THSD7A: variants seen among roughly 807,000 people sequenced by gnomAD.
The protein encoded by THSD7A is thrombospondin type-1 domain-containing protein 7A.
Under a neutral mutation model 231.3 loss-of-function variants are expected in THSD7A, and 96 were observed. The ratio of observed to expected loss-of-function variants is 0.41; its 90% CI spans 0.35 to 0.49. The LOEUF (loss-of-function observed/expected upper bound fraction) is 0.49, where lower values mean the gene tolerates loss of function less well. Among genes scored for constraint, THSD7A ranks in the 20% least tolerant of loss-of-function variants. The probability of loss-of-function intolerance (pLI) is 0.05; values close to 1 mark genes in which losing one functional copy is unlikely to be tolerated. For synonymous variants in THSD7A, 940 were observed against 743.3 expected, an observed-to-expected ratio of 1.26 and a Z score of -4.30; for missense variants, 2,290 against 2,070.2, an observed-to-expected ratio of 1.11 and a Z score of -2.06.
At chr7:11,735,474 T>C (rs1205791606) in intron 1 of THSD7A, among the ~76,000 whole-genome samples, 1 of 151,958 alleles carries the variant, frequency 6.6e-6, no homozygotes, top group Non-Finnish European at 1.5e-5. Flanking sequence ...AAAATTACCT[T>C]CAGGCTATGT....
chr7:11,694,454 G>A (rs2128142813), intron 1 of THSD7A, among the ~76,000 whole-genome samples: 1 of 151,648 alleles, frequency 6.6e-6, no homozygotes, highest in Non-Finnish European at 1.5e-5. Flanking sequence ...CCATTGTAGA[G>A]TTTCCAACTT....
chr7:11,563,640 G>T (rs922944952), intron 4 of THSD7A, among the ~76,000 whole-genome samples: 4 of 152,168 alleles, frequency 2.6e-5, no homozygotes, highest in African/African-American at 9.7e-5. Flanking sequence ...GGGACAAGAG[G>T]CATGAGCCAC....
chr7:11,643,404 AATTCCTTAT>A (rs1017758307), intron 1 of THSD7A, among the ~76,000 whole-genome samples: 77 of 152,210 alleles, frequency 5.1e-4, no homozygotes, highest in African/African-American at 1.8e-3. Flanking sequence ...AGGAAAGAAA[AATTCCTTAT>A]AAATTCCATA....
chr7:11,766,541 G>T lies in THSD7A; in HGVS notation c.190+65216C>A, dbSNP rs145436471. On this transcript the variant is annotated intron_variant, in intron 1 of 27. Transcript: ENST00000423059. ...ATTGGTTCAAACGTTTATCCTTATA[G>T]AGATTAAACAAGTGAATGTCATGTG... Among the ~76,000 whole-genome samples, 1,198 of 152,212 alleles carry T rather than the reference G, an allele frequency of 7.9e-3. 11 individuals are homozygous for T. The highest frequency in any genetic ancestry group is 0.027 in the African/African-American group (1,110 of 41,552).
At chr7:11,803,270 T>C (rs909633864) in intron 1 of THSD7A, among the ~76,000 whole-genome samples, 15 of 152,280 alleles carry the variant, frequency 9.9e-5, no homozygotes, top group South Asian at 2.1e-4. Context: ...TTAGGACTTT[T>C]GATCAATATT....
chr7:11,458,651 G>A (rs1460914748), intron 11 of THSD7A, among the ~76,000 whole-genome samples: 1 of 152,072 alleles, frequency 6.6e-6, no homozygotes, highest in East Asian at 1.9e-4. Context: ...GGAACAATCA[G>A]AAAGATAGGA....
chr7:11,456,851 T>A (rs6968449), intron 11 of THSD7A, among the ~76,000 whole-genome samples: 51,579 of 151,828 alleles, frequency 0.34, 8,793 homozygotes, highest in Middle Eastern at 0.44. Context: ...GGTATGGACA[T>A]ATAGATTGAT....
intron 9 of THSD7A, among the ~76,000 whole-genome samples, chr7:11,462,574 T>C (rs1161094431): frequency 6.6e-6 from 1 of 152,196 alleles, no homozygotes; most frequent in African/African-American, 2.4e-5. Context: ...ATATATTCAG[T>C]GCTATAATGT....
chr7:11,646,449 G>A (rs1584140411), intron 1 of THSD7A, among the ~76,000 whole-genome samples: 2 of 152,126 alleles, frequency 1.3e-5, no homozygotes, highest in Middle Eastern at 6.8e-3. Flanking sequence ...ATGGATTGAA[G>A]GTAGCAACTA....
Position 11,628,241 on chromosome 7 carries a change from T to C in THSD7A, c.1022+7889A>G, listed in dbSNP as rs1353588989. On this transcript the variant is annotated intron_variant, in intron 2 of 27. Coordinates refer to ENST00000423059, the MANE Select transcript of THSD7A (RefSeq NM_015204.3). ...ATTTAAACTTGACCTCCAAGATCTT[T>C]ATAGGTTTCCAAGACCTTTATAGGT... 1.3e-5 allele frequency among the ~76,000 whole-genome samples: 2 copies of C among 152,186 alleles called. 1 individual carries two copies. The highest frequency in any genetic ancestry group is 2.9e-5 in the Non-Finnish European group (2 of 68,026).
intron 23 of THSD7A, among the ~76,000 whole-genome samples, chr7:11,390,854 C>G (rs1210092741): frequency 3.3e-5 from 5 of 152,226 alleles, no homozygotes; most frequent in South Asian, 4.1e-4. Context: ...TCAGAACCCT[C>G]TGCTGCAGGT....
rs1341845813 is a variant in THSD7A at position 11,533,958 on chromosome 7, G to C, written c.1822+7461C>G. ...CTGTTTTTCTCATTTTTGAATGGGAGAGTGCTTTTCCACTCTCTTTCACAA... is the reference window on the plus strand; with the variant it reads ...CTGTTTTTCTCATTTTTGAATGGGACAGTGCTTTTCCACTCTCTTTCACAA... On this transcript the variant is annotated intron_variant, in intron 6 of 27. Transcript: ENST00000423059. Among the ~76,000 whole-genome samples, 2 of 152,118 alleles carry C rather than the reference G, an allele frequency of 1.3e-5. 1 individual carries two copies. The highest frequency in any genetic ancestry group is 1.3e-4 in the Admixed American group (2 of 15,264).
In THSD7A at chr7:11,447,384, G is replaced by T. The variant is rs370610798; in HGVS notation, c.2646C>A (p.Ile882=). ...GGCCTGCATACTGTAGGCACTCATG[G>T]ATTCCAGCCTGTCCTCCATCTTGCT... ...CRKQDGGQAG[I]HECLQYAGPV... is the part of the protein sequence containing the mutation. Residue 882 remains isoleucine (I), a synonymous_variant, in exon 12 of 28, where the codon ATC becomes ATA. Coordinates refer to ENST00000423059, the MANE Select transcript of THSD7A (RefSeq NM_015204.3). The T allele has an allele frequency of 9.4e-6, 15 of 1,599,414 alleles. No individual in the cohort carries two copies. The African/African-American group carries it at 1.6e-4, about 17-fold the overall frequency.
chr7:11,538,459 C>A (rs113883401), intron 6 of THSD7A, among the ~76,000 whole-genome samples: 28 of 152,202 alleles, frequency 1.8e-4, no homozygotes, highest in African/African-American at 6.7e-4. Context: ...GTTTGTTCAG[C>A]CTCTAACAAG....
At chr7:11,619,659 C>A (rs1440647406) in intron 2 of THSD7A, among the ~76,000 whole-genome samples, 1 of 151,928 alleles carries the variant, frequency 6.6e-6, no homozygotes, top group South Asian at 2.1e-4. Context: ...TGGTGTCAAG[C>A]GATTCTACTG....
intron 1 of THSD7A, among the ~76,000 whole-genome samples, chr7:11,744,006 C>T (rs975806703): frequency 7.9e-5 from 12 of 151,886 alleles, no homozygotes; most frequent in African/African-American, 2.9e-4. Context: ...TTAATACAGA[C>T]TAGACTGACA....
At chr7:11,692,908 G>C (rs1034050301) in intron 1 of THSD7A, among the ~76,000 whole-genome samples, 4 of 151,590 alleles carry the variant, frequency 2.6e-5, no homozygotes, top group Admixed American at 2.6e-4. Flanking sequence ...TGGCTTCACA[G>C]ATGGCCCTTA....
intron 1 of THSD7A, among the ~76,000 whole-genome samples, chr7:11,695,735 G>T (rs574813165): frequency 5.3e-5 from 8 of 151,628 alleles, no homozygotes; most frequent in East Asian, 2.0e-4. Flanking sequence ...CTGAAAAGTA[G>T]GTGGAAACAG....
chr7:11,726,201 G>A (rs1045381271), intron 1 of THSD7A, among the ~76,000 whole-genome samples: 1 of 151,936 alleles, frequency 6.6e-6, no homozygotes, highest in Non-Finnish European at 1.5e-5. Context: ...TGATACAGTC[G>A]ATTTTGGCAG....
Sources: gnomAD v4.1 joint callset for allele counts (sites outside exome capture counted in the v4.1 genomes callset) on GRCh38, gnomAD v4.1.1 for gene constraint, MANE v1.5 for transcripts, NCBI Gene and HGNC (gene_info 2026-07-23, HGNC 2026-07-21) for gene names.